Variants in CDK17 observed in about 807,000 individuals in gnomAD.
The protein encoded by CDK17 is cyclin dependent kinase 17.
In CDK17, 24 loss-of-function variants were observed where a neutral mutation model predicts 77.6. That is an observed-to-expected ratio of 0.31 (90% CI 0.22 to 0.44). The LOEUF (loss-of-function observed/expected upper bound fraction) is 0.44, where lower values mean the gene tolerates loss of function less well. Among genes scored for constraint, CDK17 ranks in the 20% least tolerant of loss-of-function variants. The pLI, the probability that CDK17 is intolerant of heterozygous loss-of-function variation, is 1.00. For synonymous variants in CDK17, 203 were observed against 210.4 expected, an observed-to-expected ratio of 0.96 and a Z score of 0.30; for missense variants, 429 against 622.5, an observed-to-expected ratio of 0.69 and a Z score of 3.31.
intron 1 of CDK17, among the ~76,000 whole-genome samples, chr12:96,343,258 AG>A (rs1236053233): frequency 6.6e-6 from 1 of 152,216 alleles, no homozygotes; most frequent in Non-Finnish European, 1.5e-5. Flanking sequence ...AAAAACAACC[AG>A]GAAAGTGCTT....
At chr12:96,377,764 GCTCAC>G (rs1416428790) in intron 1 of CDK17, among the ~76,000 whole-genome samples, 1 of 149,358 alleles carries the variant, frequency 6.7e-6, no homozygotes, top group Non-Finnish European at 1.5e-5. Flanking sequence ...TGCGATCTCG[GCTCAC>G]TGCAAGCTCC....
intron 5 of CDK17, among the ~76,000 whole-genome samples, chr12:96,309,222 A>G (rs1952616213): frequency 6.6e-6 from 1 of 152,150 alleles, no homozygotes; most frequent in Non-Finnish European, 1.5e-5. Flanking sequence ...ATCTACACCC[A>G]AACCTCTGGG....
intron 3 of CDK17, among the ~76,000 whole-genome samples, chr12:96,319,715 T>C (rs377288833): frequency 2.5e-5 from 3 of 118,622 alleles, no homozygotes; most frequent in Non-Finnish European, 3.4e-5. Context: ...ATTATCTCAA[T>C]AGATGCAGAA....
At position 96,346,674 on chromosome 12, in the gene CDK17, T is replaced by C. The variant is rs181529392; in HGVS notation, c.-29-11809A>G. On this transcript the variant is annotated intron_variant, in intron 1 of 16. Transcript: ENST00000261211. ...GCTCACGCCTGTAATCCTAGCACTT[T>C]TGGAGGGCAACACAAGTGGATCATG... is the stretch of plus-strand genomic sequence containing the variant. 5.4e-4 allele frequency among the ~76,000 whole-genome samples: 82 copies of C among 150,506 alleles called. 1 individual carries two copies. The highest frequency in any genetic ancestry group is 2.3e-3 in the Admixed American group (34 of 15,102).
At chr12:96,372,817 T>C (rs914875558) in intron 1 of CDK17, among the ~76,000 whole-genome samples, 11 of 152,216 alleles carry the variant, frequency 7.2e-5, no homozygotes, top group African/African-American at 1.9e-4. Flanking sequence ...TTACAAATGA[T>C]AGCCTTTAAA....
In CDK17 at chr12:96,297,697, T is replaced by C; in HGVS notation, c.740A>G (p.His247Arg). The change falls in exon 8 of 17, where the codon CAT becomes CGT. Residue 247 changes from histidine (H) to arginine (R), a missense_variant. Physicochemically the swap from His to Arg is conservative, Grantham distance 29. Transcript: ENST00000261211. ...REVSLLKDLKHANIVTLHDIV... is the reference protein window; with the variant it reads ...REVSLLKDLKRANIVTLHDIV... The stretch of plus-strand genomic sequence containing the variant: ...GTCATGTAAGGTTACTATATTTGCA[T>C]GTTTTAAATCCTTTAATAGTGAAAC... The C allele has an allele frequency of 6.3e-7, 1 of 1,598,522 alleles. No individual in the cohort carries two copies. Among genetic ancestry groups the C allele is most frequent in the Non-Finnish European group, 8.6e-7 (1 of 1,167,558 alleles).
chr12:96,332,192 G>T (rs1011119212), intron 2 of CDK17, among the ~76,000 whole-genome samples: 1 of 152,160 alleles, frequency 6.6e-6, no homozygotes, highest in Non-Finnish European at 1.5e-5. Context: ...TACCATGTAG[G>T]CTAGGTGTGT....
chr12:96,356,024 C>T (rs1953388171), intron 1 of CDK17, among the ~76,000 whole-genome samples: 1 of 152,110 alleles, frequency 6.6e-6, no homozygotes, highest in Admixed American at 6.5e-5. Context: ...TCATTCATTT[C>T]AACAAACATT....
intron 1 of CDK17, among the ~76,000 whole-genome samples, chr12:96,374,568 C>T (rs1953747867): frequency 6.6e-6 from 1 of 152,208 alleles, no homozygotes; most frequent in Non-Finnish European, 1.5e-5. Flanking sequence ...ACCCCTTCCC[C>T]TTCATCCCAT....
rs147644639 is a variant in CDK17 at position 96,331,681 on chromosome 12, G to A, written c.118+3038C>T. On this transcript the variant is annotated intron_variant, in intron 2 of 16. Coordinates refer to ENST00000261211, the MANE Select transcript of CDK17 (RefSeq NM_002595.5). Reference sequence around the variant, plus strand: ...GATATTCTATTGTATTTGGATAGAGGTAGAGCATGCATGAGTGAGATTATG... The same window carrying A: ...GATATTCTATTGTATTTGGATAGAGATAGAGCATGCATGAGTGAGATTATG... 1.1e-3 allele frequency among the ~76,000 whole-genome samples: 162 copies of A among 152,252 alleles called. 1 individual carries two copies. Among genetic ancestry groups the A allele is most frequent in the African/African-American group, 3.4e-3 (141 of 41,530 alleles).
At chr12:96,329,036 G>A (rs956173350) in intron 2 of CDK17, among the ~76,000 whole-genome samples, 1 of 152,150 alleles carries the variant, frequency 6.6e-6, no homozygotes, top group Non-Finnish European at 1.5e-5. Context: ...AGGGAAATAA[G>A]TCAGACACAA....
Position 96,400,091 on chromosome 12 carries a change from G to T in CDK17, c.-135C>A, listed in dbSNP as rs1954236323. 1 of 391,372 alleles carries T rather than the reference G, an allele frequency of 2.6e-6. No individual in the cohort carries two copies. The highest frequency in any genetic ancestry group is 4.5e-6 in the Non-Finnish European group (1 of 221,402). 24.2% of individuals were successfully genotyped at this position (391,372 alleles called of 1,614,324 possible). Reference sequence around the variant, plus strand: ...ACCGGATGCAAGTCCGGGTCTCAGCGGCCGGCAGACGTGAGGCGCTTCCGA... The same window carrying T: ...ACCGGATGCAAGTCCGGGTCTCAGCTGCCGGCAGACGTGAGGCGCTTCCGA... On this transcript the variant is annotated 5_prime_UTR_variant, in exon 1 of 17. Coordinates refer to ENST00000261211, the MANE Select transcript of CDK17 (RefSeq NM_002595.5).
intron 11 of CDK17, among the ~76,000 whole-genome samples, chr12:96,287,281 G>A (rs1397093690): frequency 6.6e-6 from 1 of 152,122 alleles, no homozygotes; most frequent in Non-Finnish European, 1.5e-5. Flanking sequence ...AAGGCGGTGT[G>A]TGTAAGTGAA....
At chr12:96,334,117 T>C (rs1374902776) in intron 2 of CDK17, among the ~76,000 whole-genome samples, 5 of 152,208 alleles carry the variant, frequency 3.3e-5, no homozygotes, top group Non-Finnish European at 5.9e-5. Context: ...CATGACACAC[T>C]GAAAGCCAGT....
intron 1 of CDK17, among the ~76,000 whole-genome samples, chr12:96,362,501 G>A (rs1312623360): frequency 2.6e-5 from 4 of 152,090 alleles, no homozygotes; most frequent in Admixed American, 2.6e-4. Context: ...TTACAGGTAT[G>A]AGCCACCATG....
chr12:96,388,666 A>C (rs1484327718), intron 1 of CDK17, among the ~76,000 whole-genome samples: 1 of 152,212 alleles, frequency 6.6e-6, no homozygotes, highest in Non-Finnish European at 1.5e-5. Context: ...AAAAACAATC[A>C]ATGTTTTACA....
At chr12:96,392,409 TAAAG>T (rs962320550) in intron 1 of CDK17, among the ~76,000 whole-genome samples, 1 of 151,736 alleles carries the variant, frequency 6.6e-6, no homozygotes, top group African/African-American at 2.4e-5. Flanking sequence ...TATATAAACA[TAAAG>T]AAAGAATATG....
rs553210607 is a variant in CDK17, at chr12:96,353,484, C to G, written c.-29-18619G>C. On this transcript the variant is annotated intron_variant, in intron 1 of 16. Coordinates refer to ENST00000261211, the MANE Select transcript of CDK17 (RefSeq NM_002595.5). ...TTCTTAAGTGAAACTGTTTCTGTTT[C>G]TTTCCCTGTATGTGTGAAGTAAAGA... 4.0e-4 allele frequency among the ~76,000 whole-genome samples: 60 copies of G among 151,468 alleles called. No homozygotes were observed. In the South Asian group the frequency reaches 0.012, roughly 30 times the overall value.
chr12:96,324,016 C>T lies in CDK17; in HGVS notation c.215G>A (p.Arg72Lys). ...TGSFKKPPLR[R>K]PHSVIGGSLG... The stretch of plus-strand genomic sequence containing the variant: ...GCTCCCTCCAATAACACTGTGTGGT[C>T]TCCGCAATGGGGGCTTCTTGAAAGA... The change falls in exon 3 of 17, where the codon AGA (arginine) becomes AAA (lysine). Residue 72 changes from arginine (R) to lysine (K), a missense_variant. Transcript: ENST00000261211. 1.2e-6 allele frequency: 2 copies of T among 1,611,904 alleles called. No individual in the cohort carries two copies. Among genetic ancestry groups the T allele is most frequent in the Non-Finnish European group, 1.7e-6 (2 of 1,178,966 alleles).
Sources: gnomAD v4.1 joint callset for allele counts (sites outside exome capture counted in the v4.1 genomes callset) on GRCh38, gnomAD v4.1.1 for gene constraint, MANE v1.5 for transcripts, NCBI Gene and HGNC (gene_info 2026-07-23, HGNC 2026-07-21) for gene names.